TBC1D1: variants seen among roughly 807,000 people sequenced by gnomAD.
The protein encoded by TBC1D1 is TBC1 domain family member 1, also known as TBC1 (tre-2/USP6, BUB2, cdc16) domain family, member 1.
A neutral mutation model predicts 125.6 loss-of-function variants in TBC1D1; 89 were observed. That is an observed-to-expected ratio of 0.71 (90% confidence interval 0.60 to 0.85). The LOEUF (loss-of-function observed/expected upper bound fraction) is 0.85. Ranked by LOEUF, TBC1D1 falls within the 40% of genes least tolerant of loss-of-function variation. TBC1D1 has a pLI of 0.00. For missense variants in TBC1D1, 1,377 were observed against 1,469.2 expected, an observed-to-expected ratio of 0.94 and a Z score of 1.03; for synonymous variants, 565 against 564.1, an observed-to-expected ratio of 1.00 and a Z score of -0.02.
chr4:38,115,257 C>G (rs1028123538), intron 15 of TBC1D1, among the ~76,000 whole-genome samples: 1 of 151,994 alleles, frequency 6.6e-6, no homozygotes, highest in East Asian at 1.9e-4. Flanking sequence ...CCTGCCACCA[C>G]GCCTGACTAA....
chr4:37,949,193 G>A (rs964817754), intron 2 of TBC1D1, among the ~76,000 whole-genome samples: 1 of 152,138 alleles, frequency 6.6e-6, no homozygotes, highest in African/African-American at 2.4e-5. Flanking sequence ...AGATCATCTG[G>A]TTCATTTTGT....
In TBC1D1 at chr4:38,133,259, T is replaced by C. The variant is rs1765902798; in HGVS notation, c.3306+2T>C. ...CTTGACCTCCTTGAACAGTTGCAGG[T>C]AGAGCATATTTATAAAGCAGCTTCC... is the stretch of plus-strand genomic sequence containing the variant. On this transcript the variant is annotated splice_donor_variant, in intron 19 of 19. Transcript: ENST00000261439. LOFTEE classifies it high-confidence loss of function. 1 of 1,609,114 alleles carries C rather than the reference T, an allele frequency of 6.2e-7. No individual in the cohort carries two copies. The highest frequency in any genetic ancestry group is 8.5e-7 in the Non-Finnish European group (1 of 1,178,442).
At chr4:37,943,239 C>T (rs1258559190) in intron 2 of TBC1D1, among the ~76,000 whole-genome samples, 2 of 152,166 alleles carry the variant, frequency 1.3e-5, no homozygotes, top group Non-Finnish European at 2.9e-5. Context: ...TTGTGGGTAA[C>T]CCGACCTTTC....
chr4:38,027,783 A>G lies in TBC1D1; in HGVS notation c.1211-5A>G, dbSNP rs748952634. 4.4e-6 allele frequency: 7 copies of G among 1,603,842 alleles called. No homozygotes were observed. The highest frequency in any genetic ancestry group is 1.3e-5 in the African/African-American group (1 of 74,186). On this transcript the variant is annotated splice_region_variant and splice_polypyrimidine_tract_variant and intron_variant, in intron 6 of 19. Transcript: ENST00000261439. ...TTTTCATGCCTCTCTTTTTTCTCTT[A>G]ATAGGAATGAATTCTTCCAAAACAA...
In TBC1D1 at chr4:38,014,306, T is replaced by G. The variant is rs1742141778; in HGVS notation, c.418-203T>G. 6.6e-6 allele frequency among the ~76,000 whole-genome samples: 1 copy of G among 152,144 alleles called. No homozygotes were observed. The highest frequency in any genetic ancestry group is 1.5e-5 in the Non-Finnish European group (1 of 68,022). ...TGCTTCATAAGTGTCGTCCCCCTTC[T>G]CTTTTCTGTGGAAGCTGTGTGTTCA... is the stretch of plus-strand genomic sequence containing the variant. On this transcript the variant is annotated intron_variant, in intron 2 of 19. Coordinates refer to ENST00000261439, the MANE Select transcript of TBC1D1 (RefSeq NM_015173.4). This position sits in a 1 kb window ranked among gnomAD's most constrained non-coding sequence, Gnocchi z 5.1.
Position 38,115,807 on chromosome 4 carries a change from G to A in TBC1D1, c.2655G>A (p.Gln885=). ...TGAAGGCCTACTCACTTCTAGACCA[G>A]GAAGTGGGATATTGCCAAGGTCTCA... Residue 885 remains glutamine, a synonymous_variant, in exon 16 of 20, where the codon CAG becomes CAA. Coordinates refer to ENST00000261439, the MANE Select transcript of TBC1D1 (RefSeq NM_015173.4). 3.7e-6 allele frequency: 6 copies of A among 1,614,160 alleles called. No individual in the cohort carries two copies. Among genetic ancestry groups the A allele is most frequent in the Non-Finnish European group, 5.1e-6 (6 of 1,180,032 alleles).
intron 2 of TBC1D1, among the ~76,000 whole-genome samples, chr4:37,917,599 G>C (rs1720007289): frequency 6.6e-6 from 1 of 152,206 alleles, no homozygotes; most frequent in South Asian, 2.1e-4. Flanking sequence ...GCACAGGGCA[G>C]AGAGCCAGGA....
At chr4:37,979,844 A>G (rs540036692) in intron 2 of TBC1D1, among the ~76,000 whole-genome samples, 4 of 152,356 alleles carry the variant, frequency 2.6e-5, no homozygotes, top group African/African-American at 7.2e-5. Flanking sequence ...CAATGGCACA[A>G]TCTTGGCTCA....
chr4:37,965,777 GTCTCAC>G (rs1009561253), intron 2 of TBC1D1, among the ~76,000 whole-genome samples: 12 of 151,848 alleles, frequency 7.9e-5, no homozygotes, highest in African/African-American at 2.4e-4. Flanking sequence ...CTGAGATGGA[GTCTCAC>G]TCTGTCACCA....
chr4:37,894,029 C>T (rs921147624), intron 1 of TBC1D1, among the ~76,000 whole-genome samples: 4 of 150,692 alleles, frequency 2.7e-5, no homozygotes, highest in African/African-American at 9.8e-5. Flanking sequence ...TGCTGTGTCA[C>T]CCAGGCTGGA....
intron 2 of TBC1D1, among the ~76,000 whole-genome samples, chr4:37,967,426 C>T (rs1458293687): frequency 6.7e-6 from 1 of 149,796 alleles, no homozygotes; most frequent in African/African-American, 2.5e-5. Flanking sequence ...GCCTGGGAGG[C>T]GGAGGTTGCA....
intron 17 of TBC1D1, among the ~76,000 whole-genome samples, chr4:38,120,940 G>A (rs755958246): frequency 6.6e-6 from 1 of 152,162 alleles, no homozygotes; most frequent in East Asian, 1.9e-4. Flanking sequence ...AAATAGATGA[G>A]GGAGGAGGAG....
intron 2 of TBC1D1, among the ~76,000 whole-genome samples, chr4:37,943,135 A>C (rs963885725): frequency 1.3e-5 from 2 of 151,958 alleles, no homozygotes; most frequent in South Asian, 2.1e-4. Context: ...GTTGAAAATT[A>C]TTTTCTTTAA....
intron 2 of TBC1D1, among the ~76,000 whole-genome samples, chr4:37,938,741 G>T (rs544956918): frequency 4.6e-5 from 7 of 152,148 alleles, no homozygotes; most frequent in Non-Finnish European, 5.9e-5. Context: ...TGTTCTCATT[G>T]TTCAATTCCC....
At chr4:37,958,732 A>G (rs1729380995) in intron 2 of TBC1D1, among the ~76,000 whole-genome samples, 1 of 152,256 alleles carries the variant, frequency 6.6e-6, no homozygotes, top group Non-Finnish European at 1.5e-5. Context: ...ATGTGTCGGA[A>G]GAGTTGAAAG....
At chr4:38,112,867 A>G (rs1762423022) in intron 15 of TBC1D1, among the ~76,000 whole-genome samples, 1 of 152,192 alleles carries the variant, frequency 6.6e-6, no homozygotes. Flanking sequence ...CTCTGCCGTT[A>G]GATTGCCACG....
chr4:37,985,266 T>G (rs1735214151), intron 2 of TBC1D1, among the ~76,000 whole-genome samples: 1 of 152,198 alleles, frequency 6.6e-6, no homozygotes, highest in South Asian at 2.1e-4. Context: ...ATTTATGATA[T>G]TTATGAATCT....
intron 1 of TBC1D1, among the ~76,000 whole-genome samples, chr4:37,894,329 C>A (rs764801007): frequency 2.0e-5 from 3 of 152,120 alleles, no homozygotes; most frequent in Non-Finnish European, 2.9e-5. Flanking sequence ...TTGATGAGGT[C>A]TTAGATGCAG....
chr4:38,061,128 G>C (rs529337043), intron 12 of TBC1D1, among the ~76,000 whole-genome samples: 18 of 152,238 alleles, frequency 1.2e-4, no homozygotes, highest in Admixed American at 2.6e-4. Context: ...TTTAAAGAAA[G>C]ATTTGACCAT....
Sources: gnomAD v4.1 joint callset for allele counts (sites outside exome capture counted in the v4.1 genomes callset) on GRCh38, gnomAD v4.1.1 for gene constraint, Gnocchi (gnomAD v3.1) non-coding constraint, MANE v1.5 for transcripts, NCBI Gene and HGNC (gene_info 2026-07-23, HGNC 2026-07-21) for gene names.